HHIP: variants seen among roughly 807,000 people sequenced by gnomAD.
HHIP encodes hedgehog interacting protein, also known as hedgehog-interacting protein.
HHIP carries 12 observed loss-of-function variants against 74.0 expected under a neutral mutation model. That is an observed-to-expected ratio of 0.16 (90% CI 0.10 to 0.26). HHIP has a LOEUF of 0.26. HHIP is among the 10% of genes least tolerant of loss of function. The pLI, the probability that HHIP is intolerant of heterozygous loss-of-function variation, is 1.00. For missense variants in HHIP, 788 were observed against 845.0 expected (o/e 0.93, Z 0.84); for synonymous variants, 309 against 311.6 (o/e 0.99, Z 0.09).
chr4:144,669,713 A>G (rs929474583), intron 4 of HHIP, among the ~76,000 whole-genome samples: 3 of 152,342 alleles, frequency 2.0e-5, no homozygotes, highest in South Asian at 2.1e-4. Flanking sequence ...TATAGAACTA[A>G]ATCCAGTAAA....
intron 4 of HHIP, among the ~76,000 whole-genome samples, chr4:144,682,138 AT>A (rs1200120008): frequency 2.0e-5 from 3 of 152,238 alleles, no homozygotes; most frequent in Non-Finnish European, 2.9e-5. Flanking sequence ...AGAACAGCAG[AT>A]TAGAAATATG....
intron 4 of HHIP, among the ~76,000 whole-genome samples, chr4:144,702,740 T>C (rs1185592029): frequency 1.3e-5 from 2 of 152,118 alleles, no homozygotes; most frequent in African/African-American, 2.4e-5. Context: ...TGTAAATTAC[T>C]TGTTGCCCTT....
intron 11 of HHIP, among the ~76,000 whole-genome samples, chr4:144,725,903 T>C: frequency 6.6e-6 from 1 of 152,192 alleles, no homozygotes. Flanking sequence ...ACTCCTGGCC[T>C]CAGGTGATCT....
intron 4 of HHIP, among the ~76,000 whole-genome samples, chr4:144,705,134 G>A (rs1730097971): frequency 6.6e-6 from 1 of 152,094 alleles, no homozygotes; most frequent in African/African-American, 2.4e-5. Context: ...CTGAAAGTTT[G>A]GATATTCTAC....
Position 144,712,014 on chromosome 4 carries a change from A to C in HHIP, c.1366A>C (p.Asn456His). 1 of 1,611,830 alleles carries C rather than the reference A, an allele frequency of 6.2e-7. No homozygotes were observed. Among genetic ancestry groups the C allele is most frequent in the Non-Finnish European group, 8.5e-7 (1 of 1,178,014 alleles). The part of the protein sequence containing the change: ...INLTILCSDS[N>H]GKNRSSARIL... ...TTTAACGATACTGTGTTCAGACTCC[A>C]ATGGAAAAAACAGATCATCAGCCAG... Residue 456 changes from asparagine to histidine, a missense_variant, in exon 8 of 13, where the codon AAT (asparagine) becomes CAT (histidine). This residue lies in a region of HHIP where 343 missense variants were observed against 347.9 expected (regional missense o/e 0.99). Transcript: ENST00000296575.
intron 9 of HHIP, among the ~76,000 whole-genome samples, 199 bp downstream of exon 9, chr4:144,714,547 G>A (rs1730395267): frequency 6.6e-6 from 1 of 152,038 alleles, no homozygotes; most frequent in African/African-American, 2.4e-5. Flanking sequence ...CTCTCAACAG[G>A]CTTGATAAAT....
chr4:144,714,626 T>C (rs2126664654), intron 9 of HHIP, among the ~76,000 whole-genome samples: 1 of 152,264 alleles, frequency 6.6e-6, no homozygotes, highest in Non-Finnish European at 1.5e-5. Context: ...GGCTCTTCCC[T>C]TCATCCTCAA....
At chr4:144,648,670 T>C (rs1043130050) in intron 1 of HHIP, 4 of 152,194 alleles carry the variant, frequency 2.6e-5, no homozygotes, top group African/African-American at 9.7e-5. Flanking sequence ...CAATACGTAC[T>C]ATGAATATAC....
rs78851035 is a variant in HHIP, at chr4:144,742,993, T to C, written c.*5036T>C. On this transcript the variant is annotated 3_prime_UTR_variant, in exon 13 of 13. Transcript: ENST00000296575. The stretch of plus-strand genomic sequence containing the variant: ...TATGTATATATATATACATTATATA[T>C]ATATAATATATATATATTATATATA... The C allele has an allele frequency of 0.027, 23 of 858 alleles. No homozygotes were observed. The highest frequency in any genetic ancestry group is 0.19 in the Admixed American group (3 of 16). 0.1% of individuals were successfully genotyped at this position (858 alleles called of 1,614,324 possible).
rs200488463 is a variant in HHIP, at chr4:144,714,218, T to C, written c.1424-7T>C. 2.5e-6 allele frequency: 4 copies of C among 1,611,320 alleles called. No homozygotes were observed. Among genetic ancestry groups the C allele is most frequent in the Non-Finnish European group, 3.4e-6 (4 of 1,177,816 alleles). ...TTCATTTGATCTAATGCTATGTTTCTTTCCAGAAAGTGAGCCATCACTTTT... is the reference window on the plus strand; with the variant it reads ...TTCATTTGATCTAATGCTATGTTTCCTTCCAGAAAGTGAGCCATCACTTTT... On this transcript the variant is annotated splice_region_variant and splice_polypyrimidine_tract_variant and intron_variant, in intron 8 of 12. Coordinates refer to ENST00000296575, the MANE Select transcript of HHIP (RefSeq NM_022475.3).
At chr4:144,688,836 A>G (rs1729554766) in intron 4 of HHIP, among the ~76,000 whole-genome samples, 2 of 152,192 alleles carry the variant, frequency 1.3e-5, no homozygotes, top group Admixed American at 1.3e-4. Flanking sequence ...CTGTGTCTGG[A>G]TGAAGGCCAT....
At chr4:144,700,271 T>C (rs568667447) in intron 4 of HHIP, among the ~76,000 whole-genome samples, 10 of 152,316 alleles carry the variant, frequency 6.6e-5, no homozygotes, top group African/African-American at 1.9e-4. Flanking sequence ...TGTGAACTTA[T>C]ATATGAACTT....
At chr4:144,659,077 C>G (rs1032233591) in intron 3 of HHIP, 131 bp downstream of exon 3, 1 of 648,904 alleles carries the variant, frequency 1.5e-6, no homozygotes, top group Non-Finnish European at 2.5e-6. Flanking sequence ...AGTTTTTTCT[C>G]TGTGGTAGTT....
rs200806235 is a variant in HHIP at position 144,737,962 on chromosome 4, T to C, written c.*5T>C. On this transcript the variant is annotated 3_prime_UTR_variant, in exon 13 of 13. Transcript: ENST00000296575. Reference sequence around the variant, plus strand: ...CTAACAAGTTACATTGTATAGTTTCTGGGACTGTTTGAATATTCTATTCCA... The same window carrying C: ...CTAACAAGTTACATTGTATAGTTTCCGGGACTGTTTGAATATTCTATTCCA... The C allele has an allele frequency of 6.4e-7, 1 of 1,566,704 alleles. No homozygotes were observed. Among genetic ancestry groups the C allele is most frequent in the Non-Finnish European group, 8.6e-7 (1 of 1,156,984 alleles).
intron 4 of HHIP, among the ~76,000 whole-genome samples, chr4:144,661,773 T>C (rs1728720226): frequency 6.6e-6 from 1 of 152,234 alleles, no homozygotes; most frequent in African/African-American, 2.4e-5. Context: ...ATATGAAAGT[T>C]ATCATATATT....
chr4:144,744,037 T>C lies in HHIP; in HGVS notation c.*6080T>C, dbSNP rs927494169. 6.6e-6 allele frequency: 1 copy of C among 152,150 alleles called. No individual in the cohort carries two copies. Among genetic ancestry groups the C allele is most frequent in the African/African-American group, 2.4e-5 (1 of 41,442 alleles). 9.4% of individuals were successfully genotyped at this position (152,150 alleles called of 1,614,324 possible). A position where few individuals can be genotyped will look rare whatever the true frequency, so the allele number is the denominator to read the frequency against. On this transcript the variant is annotated 3_prime_UTR_variant, in exon 13 of 13. Transcript: ENST00000296575. ...TGAAGAAACCAAGTTGACTACCTTA[T>C]GAGAGATCAGATATTTCCCTTATCT...
Position 144,739,272 on chromosome 4 carries a change from C to T in HHIP, c.*1315C>T, listed in dbSNP as rs565884772. 3.9e-5 allele frequency: 6 copies of T among 152,302 alleles called. No individual in the cohort carries two copies. The East Asian group carries it at 1.2e-3, about 29-fold the overall frequency. The allele number at this position is 152,302 out of a possible 1,614,324, so 9.4% of individuals were successfully genotyped here. On this transcript the variant is annotated 3_prime_UTR_variant, in exon 13 of 13. Coordinates refer to ENST00000296575, the MANE Select transcript of HHIP (RefSeq NM_022475.3). ...ATATTTTTCTTCATGGTTTTCAAAG[C>T]CAGCTCTCCACGTTTGGATTTTAAC...
chr4:144,712,202 T>G lies in HHIP; in HGVS notation c.1423+131T>G, dbSNP rs147734322. 2.9e-3 allele frequency: 2,160 copies of G among 753,172 alleles called. 7 individuals carry two copies. The highest frequency in any genetic ancestry group is 4.1e-3 in the Non-Finnish European group (1,879 of 457,346). The allele number at this position is 753,172 out of a possible 1,614,324, so 46.7% of individuals were successfully genotyped here. ...CATAAAAACACTGGCCTAACAATCA[T>G]GCAGGAGTAAATTGCTCACTTTTTA... is the stretch of plus-strand genomic sequence containing the variant. On this transcript the variant is annotated intron_variant, in intron 8 of 12. Coordinates refer to ENST00000296575, the MANE Select transcript of HHIP (RefSeq NM_022475.3).
intron 4 of HHIP, among the ~76,000 whole-genome samples, chr4:144,702,827 A>T (rs184250898): frequency 6.6e-6 from 1 of 152,210 alleles, no homozygotes; most frequent in Admixed American, 6.5e-5. Flanking sequence ...CAGTGCTAAT[A>T]ATGAAGTACA....
Sources: allele counts gnomAD v4.1 joint callset (sites outside exome capture counted in the v4.1 genomes callset), GRCh38; gene constraint gnomAD v4.1.1; regional missense constraint gnomAD v4.1.1; transcripts MANE v1.5; gene names NCBI Gene and HGNC (gene_info 2026-07-23, HGNC 2026-07-21).